DPYSL2: variants seen among roughly 807,000 people sequenced by gnomAD.
The protein encoded by DPYSL2 is dihydropyrimidinase like 2.
DPYSL2 carries 13 observed loss-of-function variants against 69.9 expected under a neutral mutation model. That is an observed-to-expected ratio of 0.19 (90% CI 0.12 to 0.30). DPYSL2 has a LOEUF of 0.30. DPYSL2 is among the 10% of genes least tolerant of loss of function. The pLI, the probability that DPYSL2 is intolerant of heterozygous loss-of-function variation, is 1.00. For missense variants in DPYSL2, 587 were observed against 918.9 expected (o/e 0.64, Z 4.67); for synonymous variants, 326 against 359.1 (o/e 0.91, Z 1.04).
rs71216769 is a variant in DPYSL2, at chr8:26,655,797, GT to G, written c.*102del. ...TTTCTTCCTTCCTTTTTTTTTTTTT[GT>G]TTTTTTTTTTAAGAGCCTGTGATAG... On this transcript the variant is annotated 3_prime_UTR_variant, in exon 14 of 14. Coordinates refer to ENST00000521913, the MANE Select transcript of DPYSL2 (RefSeq NM_001197293.3). The G allele has an allele frequency of 0.04, 30,396 of 768,610 alleles. 151 individuals carry two copies. The highest frequency in any genetic ancestry group is 0.082 in the South Asian group (2,674 of 32,692). The allele number at this position is 768,610 out of a possible 1,614,324, so 47.6% of individuals were successfully genotyped here. A position where few individuals can be genotyped will look rare whatever the true frequency, so the allele number is the denominator to read the frequency against.
In DPYSL2 at chr8:26,514,633, T is replaced by G. The variant is rs1245848507; in HGVS notation, c.308T>G (p.Ile103Ser). ...PSVESGRKVE[I>S]RRASGKEALQ... The stretch of plus-strand genomic sequence containing the variant: ...GTTGAATCGGGCCGGAAGGTGGAGA[T>G]CCGGAGGGCCTCGGGCAAAGAAGCC... The change falls in exon 1 of 14, where the codon ATC becomes AGC. Residue 103 changes from isoleucine to serine, a missense_variant. Coordinates refer to ENST00000521913, the MANE Select transcript of DPYSL2 (RefSeq NM_001197293.3). This position sits in a 1 kb window ranked among gnomAD's most constrained non-coding sequence, Gnocchi z 8.4. The G allele has an allele frequency of 4.3e-6, 6 of 1,398,316 alleles. No individual in the cohort carries two copies. Among genetic ancestry groups the G allele is most frequent in the Non-Finnish European group, 4.7e-6 (5 of 1,073,902 alleles). The allele number at this position is 1,398,316 out of a possible 1,614,324, so 86.6% of individuals were successfully genotyped here.
chr8:26,587,229 A>G lies in DPYSL2; in HGVS notation c.628+3246A>G, dbSNP rs1285552011. Among the ~76,000 whole-genome samples the G allele has an allele frequency of 1.3e-5, 2 of 152,184 alleles. No homozygotes were observed. Among genetic ancestry groups the G allele is most frequent in the African/African-American group, 4.8e-5 (2 of 41,442 alleles). ...CACCTAAGACCTGCTACTTTCTTTG[A>G]CTTAATATATTGAGTCCAGAAAGAA... On this transcript the variant is annotated intron_variant, in intron 3 of 13. Transcript: ENST00000521913. The surrounding 1 kb of genome is among the most constrained non-coding windows in gnomAD (Gnocchi z 4.2).
At position 26,642,494 on chromosome 8, in the gene DPYSL2, T is replaced by C. The variant is rs763310887; in HGVS notation, c.1127-945T>C. On this transcript the variant is annotated intron_variant, in intron 8 of 13. Transcript: ENST00000521913. The surrounding 1 kb of genome is among the most constrained non-coding windows in gnomAD (Gnocchi z 5.3). Reference sequence around the variant, plus strand: ...ATAGTGGATCACTCTGGAAGTGTCATGCGGAATGAATGGAGAGGTAGGAAG... The same window carrying C: ...ATAGTGGATCACTCTGGAAGTGTCACGCGGAATGAATGGAGAGGTAGGAAG... Among the ~76,000 whole-genome samples, 1 of 152,158 alleles carries C rather than the reference T, an allele frequency of 6.6e-6. No individual in the cohort carries two copies. The highest frequency in any genetic ancestry group is 2.4e-5 in the African/African-American group (1 of 41,434).
chr8:26,530,287 G>T (rs1331015951), intron 1 of DPYSL2, among the ~76,000 whole-genome samples: 1 of 152,182 alleles, frequency 6.6e-6, no homozygotes, highest in Non-Finnish European at 1.5e-5. Flanking sequence ...CCTCCCATGA[G>T]ATCACCCTGT....
Position 26,627,546 on chromosome 8 carries a change from C to T in DPYSL2, c.936+251C>T, listed in dbSNP as rs327228. 0.081 allele frequency among the ~76,000 whole-genome samples: 12,322 copies of T among 152,160 alleles called. 715 individuals carry two copies. The highest frequency in any genetic ancestry group is 0.21 in the Admixed American group (3,225 of 15,288). ...GAGGCCATTTCTCTCGGTGCTGTAA[C>T]GCAGCTGCCTTGGGTGGGGTACGGG... is the stretch of plus-strand genomic sequence containing the variant. On this transcript the variant is annotated intron_variant, in intron 6 of 13. Transcript: ENST00000521913. This position sits in a 1 kb window ranked among gnomAD's most constrained non-coding sequence, Gnocchi z 6.9.
Position 26,565,785 on chromosome 8 carries a change from T to C in DPYSL2, c.355-16184T>C, listed in dbSNP as rs1229943010. ...AGAAAGGTACAGGGTCCCCGCTCCATGCAATTAACTGGAAAGTCAAACTGC... is the reference window on the plus strand; with the variant it reads ...AGAAAGGTACAGGGTCCCCGCTCCACGCAATTAACTGGAAAGTCAAACTGC... On this transcript the variant is annotated intron_variant, in intron 1 of 13. Coordinates refer to ENST00000521913, the MANE Select transcript of DPYSL2 (RefSeq NM_001197293.3). The surrounding 1 kb of genome is among the most constrained non-coding windows in gnomAD (Gnocchi z 4.1). 6.6e-6 allele frequency among the ~76,000 whole-genome samples: 1 copy of C among 152,188 alleles called. No individual in the cohort carries two copies. Among genetic ancestry groups the C allele is most frequent in the African/African-American group, 2.4e-5 (1 of 41,446 alleles).
chr8:26,568,285 G>C (rs1801183933), intron 1 of DPYSL2, among the ~76,000 whole-genome samples: 1 of 152,146 alleles, frequency 6.6e-6, no homozygotes, highest in African/African-American at 2.4e-5. Flanking sequence ...AGTTTGCCTG[G>C]AGCTGGTAAA....
chr8:26,518,222 T>A (rs771081146), intron 1 of DPYSL2, among the ~76,000 whole-genome samples: 1 of 152,086 alleles, frequency 6.6e-6, no homozygotes, highest in Non-Finnish European at 1.5e-5. Context: ...AGATTTGGAA[T>A]AAAGGCAATA....
chr8:26,562,738 CCT>C lies in DPYSL2; in HGVS notation c.355-19230_355-19229del, dbSNP rs1801093194. Among the ~76,000 whole-genome samples, 1 of 152,122 alleles carries C rather than the reference CCT, an allele frequency of 6.6e-6. No homozygotes were observed. The highest frequency in any genetic ancestry group is 2.1e-4 in the South Asian group (1 of 4,820). On this transcript the variant is annotated intron_variant, in intron 1 of 13. Coordinates refer to ENST00000521913, the MANE Select transcript of DPYSL2 (RefSeq NM_001197293.3). This position sits in a 1 kb window ranked among gnomAD's most constrained non-coding sequence, Gnocchi z 4.9. ...CAACACTCTTACTGTGCTCATGGAT[CCT>C]GTGGATCAGGGATTTGAACACAGTA...
At chr8:26,576,233 A>G (rs1801341409) in intron 1 of DPYSL2, among the ~76,000 whole-genome samples, 1 of 152,234 alleles carries the variant, frequency 6.6e-6, no homozygotes, top group Non-Finnish European at 1.5e-5. Flanking sequence ...CTGGAAGGAC[A>G]GACATTCCCC....
At chr8:26,632,774 G>T (rs1210630473) in intron 7 of DPYSL2, among the ~76,000 whole-genome samples, 6 of 152,224 alleles carry the variant, frequency 3.9e-5, no homozygotes, top group Admixed American at 3.9e-4. Flanking sequence ...CCCTGTCCCC[G>T]CCTGGTGCTG....
rs528524568 is a variant in DPYSL2, at chr8:26,601,217, G to A, written c.628+17234G>A. On this transcript the variant is annotated intron_variant, in intron 3 of 13. Transcript: ENST00000521913. ...TCTGTAAGATAGGGTGGGAAATGTC[G>A]CCTACTTTACCCATGAGAGCATCGC... is the stretch of plus-strand genomic sequence containing the variant. 2.0e-4 allele frequency among the ~76,000 whole-genome samples: 31 copies of A among 152,220 alleles called. 1 individual carries two copies. The highest frequency in any genetic ancestry group is 7.0e-4 in the African/African-American group (29 of 41,538).
chr8:26,611,881 CCTG>C (rs1190371505), intron 3 of DPYSL2, among the ~76,000 whole-genome samples: 1 of 152,190 alleles, frequency 6.6e-6, no homozygotes, highest in Non-Finnish European at 1.5e-5. Flanking sequence ...TGGCTCCAGA[CCTG>C]CTGCTGCTGC....
intron 1 of DPYSL2, among the ~76,000 whole-genome samples, chr8:26,566,155 G>A (rs755913250): frequency 9.2e-5 from 14 of 152,208 alleles, no homozygotes; most frequent in Non-Finnish European, 2.1e-4. Context: ...GTACACAGAA[G>A]GGCAGGGCTT....
chr8:26,553,691 G>A (rs1800902594), intron 1 of DPYSL2, among the ~76,000 whole-genome samples: 1 of 152,114 alleles, frequency 6.6e-6, no homozygotes, highest in Non-Finnish European at 1.5e-5. Flanking sequence ...ATATACACAT[G>A]CATGTGTCTT....
In DPYSL2 at chr8:26,557,354, A is replaced by G. The variant is rs112956522; in HGVS notation, c.355-24615A>G. On this transcript the variant is annotated intron_variant, in intron 1 of 13. Coordinates refer to ENST00000521913, the MANE Select transcript of DPYSL2 (RefSeq NM_001197293.3). ...AAAGAACTCTTAAAACCCAACAACA[A>G]GAAAACAAACACCCAATAGAAAAGT... 3.3e-3 allele frequency among the ~76,000 whole-genome samples: 505 copies of G among 152,266 alleles called. 1 individual carries two copies. The highest frequency in any genetic ancestry group is 0.014 in the Middle Eastern group (4 of 294).
At chr8:26,613,748 C>G (rs1298222333) in intron 3 of DPYSL2, among the ~76,000 whole-genome samples, 1 of 152,136 alleles carries the variant, frequency 6.6e-6, no homozygotes, top group Non-Finnish European at 1.5e-5. Context: ...CTGTTGCACT[C>G]TTCAGAACCC....
chr8:26,578,097 C>G, intron 1 of DPYSL2: 1 of 1,507,404 alleles, frequency 6.6e-7, no homozygotes, highest in Non-Finnish European at 8.8e-7. Context: ...CCGTTACGTT[C>G]TTGAAATTTC....
chr8:26,567,201 ATC>A (rs1441291763), intron 1 of DPYSL2, among the ~76,000 whole-genome samples: 1 of 138,350 alleles, frequency 7.2e-6, no homozygotes, highest in Non-Finnish European at 1.5e-5. Context: ...TCCACACATC[ATC>A]TGTCTGTCCA....
Sources: allele counts gnomAD v4.1 joint callset (sites outside exome capture counted in the v4.1 genomes callset), GRCh38; gene constraint gnomAD v4.1.1; non-coding constraint Gnocchi (gnomAD v3.1); transcripts MANE v1.5; gene names NCBI Gene and HGNC (gene_info 2026-07-23, HGNC 2026-07-21).